GALNT14: variants seen among roughly 807,000 people sequenced by gnomAD.
The protein encoded by GALNT14 is polypeptide N-acetylgalactosaminyltransferase 14, also known as UDP-GalNAc:polypeptide N-acetylgalactosaminyltransferase 14.
GALNT14 carries 60 observed loss-of-function variants against 77.5 expected under a neutral mutation model. That is an observed-to-expected ratio of 0.77 (90% CI 0.63 to 0.96). The LOEUF (loss-of-function observed/expected upper bound fraction) is 0.96. Ranked by LOEUF, GALNT14 falls within the 40% of genes least tolerant of loss-of-function variation. The pLI, the probability that GALNT14 is intolerant of heterozygous loss-of-function variation, is 0.00. For synonymous variants in GALNT14, 280 were observed against 281.7 expected (o/e 0.99, Z 0.06); for missense variants, 710 against 731.0 (o/e 0.97, Z 0.33).
chr2:30,912,083 T>A, intron 14 of GALNT14, 140 bp downstream of exon 14: 1 of 1,088,226 alleles, frequency 9.2e-7, no homozygotes, highest in Non-Finnish European at 1.3e-6. Context: ...CAGGCAGCAC[T>A]TTCCCTCCCT....
rs116466173 is a variant in GALNT14, at chr2:30,962,114, G to A, written c.399-3650C>T. Among the ~76,000 whole-genome samples the A allele has an allele frequency of 5.9e-3, 891 of 152,246 alleles. 16 individuals are homozygous for A. The highest frequency in any genetic ancestry group is 0.043 in the South Asian group (208 of 4,828). On this transcript the variant is annotated intron_variant, in intron 3 of 14. Coordinates refer to ENST00000349752, the MANE Select transcript of GALNT14 (RefSeq NM_024572.4). ...TAGAACTCTGCTGTCTGCCAGGGCT[G>A]GAGGCTCACAATATACACCTGTTGT... is the stretch of plus-strand genomic sequence containing the variant.
chr2:31,099,279 T>A (rs1361972569), intron 1 of GALNT14, among the ~76,000 whole-genome samples: 1 of 152,126 alleles, frequency 6.6e-6, no homozygotes, highest in Non-Finnish European at 1.5e-5. Context: ...TTATATCCTT[T>A]GCCTATTATT....
rs74910581 is a variant in GALNT14, at chr2:30,978,676, G to C, written c.300-12374C>G. ...ACCGGCACCTGCACTCCCAATCCCT[G>C]ATATTTTCAGTAGCTTGAGAAGGAA... is the stretch of plus-strand genomic sequence containing the variant. On this transcript the variant is annotated intron_variant, in intron 2 of 14. Transcript: ENST00000349752. Among the ~76,000 whole-genome samples, 757 of 152,282 alleles carry C rather than the reference G, an allele frequency of 5.0e-3. 17 individuals are homozygous for C. Among genetic ancestry groups the C allele is most frequent in the South Asian group, 0.044 (214 of 4,824 alleles).
At chr2:31,134,612 C>T (rs934058571) in intron 1 of GALNT14, among the ~76,000 whole-genome samples, 2 of 152,222 alleles carry the variant, frequency 1.3e-5, no homozygotes, top group Admixed American at 6.5e-5. Context: ...GGGGAGCCTC[C>T]TGTGCCCCAC....
At chr2:30,960,684 G>A (rs1188766357) in intron 3 of GALNT14, among the ~76,000 whole-genome samples, 2 of 152,078 alleles carry the variant, frequency 1.3e-5, no homozygotes, top group East Asian at 3.9e-4. Context: ...CAGTCCAAGG[G>A]ACCTAGCCTG....
At chr2:30,897,894 G>T in the GALNT14 span, among the ~76,000 whole-genome samples, 1 of 152,164 alleles carries the variant, frequency 6.6e-6, no homozygotes, top group Non-Finnish European at 1.5e-5. Flanking sequence ...GTGCTTGCAG[G>T]GTCTGAGTCT....
rs1558430233 is a variant in GALNT14, at chr2:30,945,862, CG to C, written c.662del (p.Thr221SerfsTer7). 1 of 1,614,010 alleles carries C rather than the reference CG, an allele frequency of 6.2e-7. No individual in the cohort carries two copies. The highest frequency in any genetic ancestry group is 2.2e-5 in the East Asian group (1 of 44,876). ...TATCGATCACAGGGCACACCACCCG[CG>C]TGTAGTCCTGTAAGACAACAGACCC... The part of the protein sequence containing the change: ...PLLHRVKEDY[T>X]RVVCPVIDII... On this transcript the variant is annotated frameshift_variant, in exon 7 of 15. Transcript: ENST00000349752. LOFTEE classifies it high-confidence loss of function.
intron 1 of GALNT14, among the ~76,000 whole-genome samples, chr2:31,124,092 G>T (rs1007531741): frequency 3.9e-5 from 6 of 152,094 alleles, no homozygotes; most frequent in Non-Finnish European, 7.3e-5. Flanking sequence ...ACCCCATATG[G>T]GTTTGCCGGA....
At chr2:30,914,977 CTAAGTTCA>C (rs1664592669) in intron 13 of GALNT14, among the ~76,000 whole-genome samples, 1 of 152,174 alleles carries the variant, frequency 6.6e-6, no homozygotes, top group Admixed American at 6.5e-5. Context: ...AAGGGAAAGA[CTAAGTTCA>C]TTCCTTCTGA....
At chr2:31,115,826 G>C (rs965508287) in intron 1 of GALNT14, among the ~76,000 whole-genome samples, 8 of 152,214 alleles carry the variant, frequency 5.3e-5, no homozygotes, top group African/African-American at 1.9e-4. Flanking sequence ...CTCTAGGTGA[G>C]CCTGGGCAAC....
intron 2 of GALNT14, among the ~76,000 whole-genome samples, chr2:30,968,042 G>A (rs1228489662): frequency 6.6e-6 from 1 of 152,156 alleles, no homozygotes; most frequent in African/African-American, 2.4e-5. Context: ...CCCCCAAATA[G>A]GTAAGGACCT....
intron 1 of GALNT14, among the ~76,000 whole-genome samples, chr2:31,016,199 C>A (rs1041102119): frequency 1.3e-5 from 2 of 152,162 alleles, no homozygotes; most frequent in Admixed American, 1.3e-4. Context: ...CTCCACTTGG[C>A]CCGCAGATGG....
At chr2:31,130,650 T>C (rs1391559783) in intron 1 of GALNT14, among the ~76,000 whole-genome samples, 1 of 151,406 alleles carries the variant, frequency 6.6e-6, no homozygotes, top group East Asian at 1.9e-4. Flanking sequence ...CCTCAGAAGG[T>C]CACATCAGGC....
At chr2:31,117,430 TAGAG>T (rs902231482) in intron 1 of GALNT14, among the ~76,000 whole-genome samples, 10 of 152,106 alleles carry the variant, frequency 6.6e-5, no homozygotes, top group Non-Finnish European at 1.0e-4. Context: ...TATTCAAAAA[TAGAG>T]AGCATTACTA....
the GALNT14 span, among the ~76,000 whole-genome samples, chr2:30,898,766 T>C: frequency 1.3e-5 from 2 of 151,842 alleles, no homozygotes; most frequent in African/African-American, 2.4e-5. Flanking sequence ...TGGGGAGGGG[T>C]TGGCAGAGGG....
At chr2:30,961,988 C>A (rs1323950449) in intron 3 of GALNT14, among the ~76,000 whole-genome samples, 1 of 152,142 alleles carries the variant, frequency 6.6e-6, no homozygotes, top group Non-Finnish European at 1.5e-5. Flanking sequence ...CCCCTGTGCC[C>A]AGCCTGGGTT....
intron 1 of GALNT14, among the ~76,000 whole-genome samples, chr2:31,105,594 C>T (rs1352078718): frequency 6.6e-6 from 1 of 152,002 alleles, no homozygotes. Flanking sequence ...GGTGTGGTGG[C>T]CCATGCCTGT....
intron 1 of GALNT14, among the ~76,000 whole-genome samples, chr2:31,075,804 A>G (rs1375692736): frequency 6.6e-6 from 1 of 152,174 alleles, no homozygotes; most frequent in African/African-American, 2.4e-5. Flanking sequence ...CTGTAAGAAG[A>G]CCCTTCCCCC....
chr2:31,105,090 T>C (rs764264216), intron 1 of GALNT14, among the ~76,000 whole-genome samples: 7 of 152,208 alleles, frequency 4.6e-5, no homozygotes, highest in Non-Finnish European at 1.0e-4. Flanking sequence ...TCAGTTGTCA[T>C]TTTTCGGTAA....
Sources: gnomAD v4.1 joint callset for allele counts (sites outside exome capture counted in the v4.1 genomes callset) on GRCh38, gnomAD v4.1.1 for gene constraint, MANE v1.5 for transcripts, NCBI Gene and HGNC (gene_info 2026-07-23, HGNC 2026-07-21) for gene names.